Variants in SLC35G2 observed in about 807,000 individuals in gnomAD.
SLC35G2 encodes the protein solute carrier family 35 member G2, also known as transmembrane protein 22.
SLC35G2 carries 20 observed loss-of-function variants against 27.2 expected under a neutral mutation model. The ratio of observed to expected loss-of-function variants is 0.74; its 90% confidence interval spans 0.52 to 1.07. The LOEUF (loss-of-function observed/expected upper bound fraction) is 1.07. Among genes scored for constraint, SLC35G2 ranks in the 50% least tolerant of loss-of-function variants. The probability of loss-of-function intolerance (pLI) is 0.00; values close to 1 mark genes in which losing one functional copy is unlikely to be tolerated. For synonymous variants in SLC35G2, 148 were observed against 165.3 expected, an observed-to-expected ratio of 0.90 and a Z score of 0.80; for missense variants, 416 against 493.3, an observed-to-expected ratio of 0.84 and a Z score of 1.48.
chr3:136,843,647 A>T (rs551413526), intron 1 of SLC35G2, among the ~76,000 whole-genome samples: 1 of 150,178 alleles, frequency 6.7e-6, no homozygotes, highest in African/African-American at 2.5e-5. Flanking sequence ...CCCTGTTTCA[A>T]AAAGGCTGGG....
intron 1 of SLC35G2, among the ~76,000 whole-genome samples, chr3:136,824,521 C>T (rs539653174): frequency 1.1e-4 from 17 of 152,050 alleles, no homozygotes; most frequent in Admixed American, 2.6e-4. Flanking sequence ...CCTTTCAGAT[C>T]GTTCACTGTT....
chr3:136,826,029 CTTTATTTTAT>C (rs56350224), intron 1 of SLC35G2, among the ~76,000 whole-genome samples: 1 of 148,596 alleles, frequency 6.7e-6, no homozygotes, highest in South Asian at 2.1e-4. Flanking sequence ...CTTTTCTTTT[CTTTATTTTAT>C]TTTATTTTAT....
At chr3:136,841,296 C>G (rs1324817704) in intron 1 of SLC35G2, among the ~76,000 whole-genome samples, 1 of 152,168 alleles carries the variant, frequency 6.6e-6, no homozygotes, top group African/African-American at 2.4e-5. Flanking sequence ...CGGAATGTAA[C>G]AAACTTATCA....
In SLC35G2 at chr3:136,822,272, A is replaced by G. The variant is rs371581547; in HGVS notation, c.-19+2644A>G. Among the ~76,000 whole-genome samples, 8 of 152,014 alleles carry G rather than the reference A, an allele frequency of 5.3e-5. No individual in the cohort carries two copies. The East Asian group carries it at 1.2e-3, about 22-fold the overall frequency. ...TTCCCCACACCCCCAACTCTCTCTC[A>G]CTACCCTTCCCAGCTCTGGTAACCA... On this transcript the variant is annotated intron_variant, in intron 1 of 1. Transcript: ENST00000446465.
chr3:136,835,242 T>G (rs1936832788), intron 1 of SLC35G2, among the ~76,000 whole-genome samples: 1 of 152,216 alleles, frequency 6.6e-6, no homozygotes, highest in Non-Finnish European at 1.5e-5. Context: ...ATCTTTAATT[T>G]GTGACATTTC....
intron 1 of SLC35G2, among the ~76,000 whole-genome samples, chr3:136,845,767 T>C (rs1022130714): frequency 2.2e-4 from 33 of 151,980 alleles, no homozygotes; most frequent in African/African-American, 8.0e-4. Context: ...AGCTAATTTT[T>C]GTATTTTTAG....
At chr3:136,851,529 A>AGT (rs907255164) in intron 1 of SLC35G2, among the ~76,000 whole-genome samples, 4 of 149,170 alleles carry the variant, frequency 2.7e-5, no homozygotes, top group Non-Finnish European at 4.4e-5. Context: ...AAAGATGAAC[A>AGT]GTGTTTACAA....
intron 1 of SLC35G2, among the ~76,000 whole-genome samples, chr3:136,836,248 G>A (rs1411367299): frequency 6.6e-6 from 1 of 151,996 alleles, no homozygotes; most frequent in Non-Finnish European, 1.5e-5. Context: ...GTTCATTCTA[G>A]TCTTCACCCT....
chr3:136,824,999 G>T lies in SLC35G2; in HGVS notation c.-19+5371G>T, dbSNP rs1022886653. 2.0e-5 allele frequency among the ~76,000 whole-genome samples: 3 copies of T among 151,980 alleles called. No homozygotes were observed. In the East Asian group the frequency reaches 5.8e-4, roughly 29 times the overall value. On this transcript the variant is annotated intron_variant, in intron 1 of 1. Coordinates refer to ENST00000446465, the MANE Select transcript of SLC35G2 (RefSeq NM_025246.3). ...CTCCCACCTATGAGTGAAAACATGC[G>T]GTGTTTGGTTTTCTGACCTTGTGAT...
At chr3:136,835,560 A>G (rs10935198) in intron 1 of SLC35G2, among the ~76,000 whole-genome samples, 104,217 of 152,002 alleles carry the variant, frequency 0.69, 35,977 homozygotes, top group East Asian at 0.87. Context: ...TTTTGTAGGA[A>G]GACACTTTGA....
At chr3:136,822,805 T>C (rs917892746) in intron 1 of SLC35G2, among the ~76,000 whole-genome samples, 4 of 152,240 alleles carry the variant, frequency 2.6e-5, no homozygotes, top group Admixed American at 2.0e-4. Flanking sequence ...TGTATGTAAA[T>C]ATCTGTTGAT....
intron 1 of SLC35G2, among the ~76,000 whole-genome samples, chr3:136,846,119 TAGCCAAC>T (rs1937365423): frequency 6.6e-6 from 1 of 152,168 alleles, no homozygotes; most frequent in South Asian, 2.1e-4. Context: ...GGGAATTCTT[TAGCCAAC>T]AGACTTTGGA....
At chr3:136,825,602 T>C (rs536006544) in intron 1 of SLC35G2, among the ~76,000 whole-genome samples, 2 of 152,204 alleles carry the variant, frequency 1.3e-5, no homozygotes, top group Non-Finnish European at 2.9e-5. Flanking sequence ...TGAGGATTTT[T>C]ATCATGAAGG....
intron 1 of SLC35G2, among the ~76,000 whole-genome samples, chr3:136,824,722 C>G (rs1442963155): frequency 6.6e-6 from 1 of 152,074 alleles, no homozygotes; most frequent in African/African-American, 2.4e-5. Flanking sequence ...ATCTGCTTTT[C>G]CAGTTTGGAT....
At chr3:136,853,843 G>A (rs1180662503) in intron 1 of SLC35G2, among the ~76,000 whole-genome samples, 1 of 152,114 alleles carries the variant, frequency 6.6e-6, no homozygotes, top group Non-Finnish European at 1.5e-5. Context: ...TCACGAGAGA[G>A]GTTGTACAAT....
chr3:136,821,453 A>T (rs760113890), intron 1 of SLC35G2, among the ~76,000 whole-genome samples: 7 of 152,166 alleles, frequency 4.6e-5, no homozygotes, highest in Non-Finnish European at 2.9e-5. Context: ...GAACAAAAAA[A>T]AAATTTTTTT....
chr3:136,830,287 T>C (rs895272223), intron 1 of SLC35G2, among the ~76,000 whole-genome samples: 8 of 151,286 alleles, frequency 5.3e-5, no homozygotes, highest in Non-Finnish European at 1.5e-5. Context: ...TTTTGTATTA[T>C]TATTATTTTT....
Position 136,849,863 on chromosome 3 carries a change from G to A in SLC35G2, c.-18-4580G>A, listed in dbSNP as rs375413380. On this transcript the variant is annotated intron_variant, in intron 1 of 1. Coordinates refer to ENST00000446465, the MANE Select transcript of SLC35G2 (RefSeq NM_025246.3). ...CTCATGCCTGTGATCCCAGCACTTC[G>A]GGAAGCCGCGGCGGGCGGATCACTT... is the stretch of plus-strand genomic sequence containing the variant. Among the ~76,000 whole-genome samples, 52 of 151,956 alleles carry A rather than the reference G, an allele frequency of 3.4e-4. No individual in the cohort carries two copies. In the East Asian group the frequency reaches 0.01, roughly 29 times the overall value.
Position 136,855,644 on chromosome 3 carries a change from G to T in SLC35G2, c.1184G>T (p.Trp395Leu), listed in dbSNP as rs764471295. Reference protein sequence around the residue: ...VFVLAGYKLYWRNLRKQDYQE... With the variant: ...VFVLAGYKLYLRNLRKQDYQE... ...GTCCTTGCTGGCTATAAACTTTACT[G>T]GAGGAATTTAAGAAAGCAGGACTAC... Residue 395 changes from tryptophan to leucine, a missense_variant, in exon 2 of 2, where the codon TGG (tryptophan) becomes TTG (leucine). Coordinates refer to ENST00000446465, the MANE Select transcript of SLC35G2 (RefSeq NM_025246.3). The T allele has an allele frequency of 6.2e-7, 1 of 1,612,972 alleles. No homozygotes were observed. The highest frequency in any genetic ancestry group is 2.2e-5 in the East Asian group (1 of 44,878).
Sources: allele counts gnomAD v4.1 joint callset (sites outside exome capture counted in the v4.1 genomes callset), GRCh38; gene constraint gnomAD v4.1.1; transcripts MANE v1.5; gene names NCBI Gene and HGNC (gene_info 2026-07-23, HGNC 2026-07-21).